GRM8: variants seen among roughly 807,000 people sequenced by gnomAD.
GRM8 encodes the protein metabotropic glutamate receptor 8.
GRM8 carries 47 observed loss-of-function variants against 87.2 expected under a neutral mutation model. That is an observed-to-expected ratio of 0.54 (90% confidence interval 0.43 to 0.69). GRM8 has a LOEUF of 0.69. GRM8 is among the 30% of genes least tolerant of loss of function. GRM8 has a pLI of 0.00. For missense variants in GRM8, 1,019 were observed against 1,139.2 expected (o/e 0.89, Z 1.52); for synonymous variants, 396 against 404.5 (o/e 0.98, Z 0.25).
intron 10 of GRM8, 37 bp from the exon 11 acceptor site, chr7:126,439,205 T>A (rs373281049): frequency 9.5e-7 from 1 of 1,053,126 alleles, no homozygotes; most frequent in Admixed American, 1.7e-5. Context: ...AAATAGTATA[T>A]AATAATACAT....
At chr7:127,024,030 A>G (rs1242638003) in intron 3 of GRM8, among the ~76,000 whole-genome samples, 1 of 152,084 alleles carries the variant, frequency 6.6e-6, no homozygotes, top group African/African-American at 2.4e-5. Flanking sequence ...TCTTTTCTCC[A>G]AGGCTAGGCC....
chr7:126,952,744 G>A lies in GRM8; in HGVS notation c.728-48061C>T, dbSNP rs73228958. Reference sequence around the variant, plus strand: ...AGAAAACACCAGACAAGCCCAAATTGAGGGGAATTTGGCAAAATAAGTATT... The same window carrying A: ...AGAAAACACCAGACAAGCCCAAATTAAGGGGAATTTGGCAAAATAAGTATT... On this transcript the variant is annotated intron_variant, in intron 3 of 10. Coordinates refer to ENST00000339582, the MANE Select transcript of GRM8 (RefSeq NM_000845.3). Among the ~76,000 whole-genome samples, 1,319 of 152,072 alleles carry A rather than the reference G, an allele frequency of 8.7e-3. 6 individuals carry two copies. The highest frequency in any genetic ancestry group is 0.014 in the Admixed American group (212 of 15,266).
intron 9 of GRM8, among the ~76,000 whole-genome samples, chr7:126,470,359 G>A (rs772262694): frequency 7.5e-4 from 79 of 105,920 alleles, no homozygotes; most frequent in Non-Finnish European, 1.2e-3. Context: ...CCCCACAACA[G>A]TCCCCAGAGT....
chr7:127,026,370 G>A (rs1393917499), intron 3 of GRM8, among the ~76,000 whole-genome samples: 2 of 152,130 alleles, frequency 1.3e-5, no homozygotes, highest in East Asian at 3.9e-4. Context: ...ACCCAGTAAT[G>A]AGATTGCTGG....
At chr7:126,686,244 C>T (rs1229649001) in intron 7 of GRM8, among the ~76,000 whole-genome samples, 2 of 152,098 alleles carry the variant, frequency 1.3e-5, no homozygotes, top group African/African-American at 4.8e-5. Context: ...AGTAAAGCTC[C>T]TCTTTGTCTT....
chr7:126,733,767 T>C, intron 7 of GRM8, among the ~76,000 whole-genome samples: 1 of 152,006 alleles, frequency 6.6e-6, no homozygotes, highest in East Asian at 1.9e-4. Flanking sequence ...ATTTTTAGGA[T>C]GGTCAACAGT....
At chr7:126,600,602 T>C (rs905374800) in intron 8 of GRM8, among the ~76,000 whole-genome samples, 1 of 152,168 alleles carries the variant, frequency 6.6e-6, no homozygotes, top group Non-Finnish European at 1.5e-5. Context: ...GTTCAGTCAA[T>C]ATGTAGAAAA....
chr7:126,787,749 C>T (rs1373715892), intron 6 of GRM8, among the ~76,000 whole-genome samples: 2 of 151,888 alleles, frequency 1.3e-5, no homozygotes, highest in Admixed American at 6.6e-5. Flanking sequence ...TTGCTGTGGT[C>T]GATATCTTTT....
At chr7:126,705,034 A>G (rs1810346290) in intron 7 of GRM8, among the ~76,000 whole-genome samples, 1 of 152,068 alleles carries the variant, frequency 6.6e-6, no homozygotes, top group South Asian at 2.1e-4. Flanking sequence ...GCATCACGGA[A>G]CCTACTGACA....
chr7:126,600,783 A>T (rs1473764592), intron 8 of GRM8, among the ~76,000 whole-genome samples: 1 of 152,178 alleles, frequency 6.6e-6, no homozygotes, highest in East Asian at 1.9e-4. Context: ...ATAAACAGAG[A>T]TATAAGTAAT....
chr7:126,466,176 T>A lies in GRM8; in HGVS notation c.2431-19804A>T, dbSNP rs183043725. On this transcript the variant is annotated intron_variant, in intron 9 of 10. Coordinates refer to ENST00000339582, the MANE Select transcript of GRM8 (RefSeq NM_000845.3). ...GTAATTTTCTTAAAAAAGGTACTTT[T>A]TTTTTAGTTAGAATTGTTCTAAAGA... 2.9e-3 allele frequency among the ~76,000 whole-genome samples: 441 copies of A among 152,054 alleles called. 3 individuals are homozygous for A. The highest frequency in any genetic ancestry group is 0.01 in the African/African-American group (423 of 41,542).
chr7:126,998,490 C>T (rs1424268791), intron 3 of GRM8, among the ~76,000 whole-genome samples: 1 of 151,706 alleles, frequency 6.6e-6, no homozygotes, highest in African/African-American at 2.4e-5. Flanking sequence ...ATTGTCCTTA[C>T]TTGCAGATGG....
chr7:126,925,608 T>C (rs1245031446), intron 3 of GRM8, among the ~76,000 whole-genome samples: 1 of 152,192 alleles, frequency 6.6e-6, no homozygotes, highest in Non-Finnish European at 1.5e-5. Context: ...TCAGTCTTTA[T>C]CCACAAAAAT....
chr7:126,747,917 T>C (rs907935891), intron 7 of GRM8, among the ~76,000 whole-genome samples: 3 of 152,052 alleles, frequency 2.0e-5, no homozygotes, highest in African/African-American at 7.2e-5. Context: ...TATAAGTTTC[T>C]ATCTACAAAA....
chr7:126,624,575 T>A (rs1251002777), intron 7 of GRM8, among the ~76,000 whole-genome samples: 1 of 152,260 alleles, frequency 6.6e-6, no homozygotes, highest in Non-Finnish European at 1.5e-5. Context: ...ATGATATGCC[T>A]GTGATTGTGG....
intron 2 of GRM8, among the ~76,000 whole-genome samples, chr7:127,188,169 A>G (rs1794834170): frequency 6.6e-6 from 1 of 152,212 alleles, no homozygotes; most frequent in South Asian, 2.1e-4. Flanking sequence ...TATCCTCACA[A>G]TAAACTTATG....
At chr7:126,743,539 A>C (rs1291811528) in intron 7 of GRM8, among the ~76,000 whole-genome samples, 1 of 152,174 alleles carries the variant, frequency 6.6e-6, no homozygotes, top group Non-Finnish European at 1.5e-5. Context: ...ATGGAACAGA[A>C]ACATAGCCAT....
intron 8 of GRM8, among the ~76,000 whole-genome samples, chr7:126,544,637 A>T (rs370000740): frequency 5.4e-4 from 82 of 152,042 alleles, no homozygotes; most frequent in African/African-American, 2.0e-3. Flanking sequence ...CAGCCTCCCG[A>T]GTAGCTGGGA....
At chr7:127,234,700 T>C (rs938348510) in intron 2 of GRM8, among the ~76,000 whole-genome samples, 1 of 152,160 alleles carries the variant, frequency 6.6e-6, no homozygotes, top group Admixed American at 6.5e-5. Flanking sequence ...CCGGACCCAC[T>C]GAATCAGAAA....
Sources: gnomAD v4.1 joint callset for allele counts (sites outside exome capture counted in the v4.1 genomes callset) on GRCh38, gnomAD v4.1.1 for gene constraint, MANE v1.5 for transcripts, NCBI Gene and HGNC (gene_info 2026-07-23, HGNC 2026-07-21) for gene names.